Variants in PTPRN2 observed in about 807,000 individuals in gnomAD.
PTPRN2 encodes the protein receptor-type tyrosine-protein phosphatase N2.
Under a neutral mutation model 118.8 loss-of-function variants are expected in PTPRN2, and 74 were observed. That is an observed-to-expected ratio of 0.62 (90% CI 0.52 to 0.76). PTPRN2 has a LOEUF of 0.76. PTPRN2 is among the 30% of genes least tolerant of loss of function. PTPRN2 has a pLI of 0.00. For synonymous variants in PTPRN2, 641 were observed against 608.0 expected, an observed-to-expected ratio of 1.05 and a Z score of -0.80; for missense variants, 1,481 against 1,394.4, an observed-to-expected ratio of 1.06 and a Z score of -0.99.
chr7:158,381,672 C>A (rs1810973533), intron 2 of PTPRN2, among the ~76,000 whole-genome samples: 1 of 152,174 alleles, frequency 6.6e-6, no homozygotes. Flanking sequence ...TACAGCAGTG[C>A]CCCACTCTAC....
intron 11 of PTPRN2, among the ~76,000 whole-genome samples, chr7:158,062,181 C>A (rs1810398934): frequency 6.6e-6 from 1 of 152,274 alleles, no homozygotes; most frequent in African/African-American, 2.4e-5. Context: ...CAGCTCACAG[C>A]AGAGGAGCGT....
At chr7:157,708,869 C>T (rs1798459530) in intron 12 of PTPRN2, among the ~76,000 whole-genome samples, 1 of 152,188 alleles carries the variant, frequency 6.6e-6, no homozygotes, top group Non-Finnish European at 1.5e-5. Context: ...AATAACAAGC[C>T]ACGTATGGCT....
intron 12 of PTPRN2, among the ~76,000 whole-genome samples, chr7:157,698,020 C>T (rs563878339): frequency 2.0e-5 from 3 of 152,154 alleles, no homozygotes; most frequent in Non-Finnish European, 4.4e-5. Context: ...AGAGCCCTCA[C>T]CATCTACCCA....
chr7:158,312,936 ATGAG>A (rs1482489325), intron 3 of PTPRN2, among the ~76,000 whole-genome samples: 1 of 149,482 alleles, frequency 6.7e-6, no homozygotes, highest in Admixed American at 6.6e-5. Flanking sequence ...CAGCATGTCA[ATGAG>A]TGTGCAGGGG....
chr7:158,149,280 C>G lies in PTPRN2; in HGVS notation c.911-10765G>C, dbSNP rs114617262. Among the ~76,000 whole-genome samples, 291 of 152,276 alleles carry G rather than the reference C, an allele frequency of 1.9e-3. 3 individuals are homozygous for G. Among genetic ancestry groups the G allele is most frequent in the African/African-American group, 6.8e-3 (282 of 41,542 alleles). ...ACCCAATTTCCAACCAAAAGACCTC[C>G]AAACTTTTATAAAGCAATGTCATCA... is the stretch of plus-strand genomic sequence containing the variant. On this transcript the variant is annotated intron_variant, in intron 6 of 22. Transcript: ENST00000389418.
intron 1 of PTPRN2, among the ~76,000 whole-genome samples, chr7:158,575,601 A>G (rs1232557316): frequency 6.6e-6 from 1 of 152,160 alleles, no homozygotes; most frequent in Non-Finnish European, 1.5e-5. Flanking sequence ...CTTGGCCTCA[A>G]TCAGTCCTCC....
At chr7:158,458,753 T>C (rs1221524434) in intron 2 of PTPRN2, among the ~76,000 whole-genome samples, 1 of 152,184 alleles carries the variant, frequency 6.6e-6, no homozygotes, top group Non-Finnish European at 1.5e-5. Context: ...AACACCAGGC[T>C]GGGCGGGCTC....
chr7:158,083,081 A>G (rs116984563), intron 10 of PTPRN2, among the ~76,000 whole-genome samples: 1,615 of 152,226 alleles, frequency 0.011, 24 homozygotes, highest in East Asian at 0.056. Flanking sequence ...GCACTGTGAG[A>G]GTGGCTGATT....
intron 3 of PTPRN2, among the ~76,000 whole-genome samples, chr7:158,263,726 C>G (rs1011733540): frequency 2.6e-5 from 4 of 152,244 alleles, no homozygotes; most frequent in Non-Finnish European, 1.5e-5. Flanking sequence ...CTCAACGGCC[C>G]TTTTCCCACC....
intron 17 of PTPRN2, among the ~76,000 whole-genome samples, chr7:157,581,192 C>T (rs1032639698): frequency 2.0e-5 from 3 of 152,260 alleles, no homozygotes; most frequent in Non-Finnish European, 4.4e-5. Context: ...CTTGCACCAC[C>T]ATCCCTGGAT....
chr7:158,168,887 A>C (rs1171855264), intron 5 of PTPRN2, among the ~76,000 whole-genome samples: 1 of 152,234 alleles, frequency 6.6e-6, no homozygotes, highest in Non-Finnish European at 1.5e-5. Context: ...GGGCTTCATC[A>C]AAATGTCATG....
At chr7:158,499,014 T>C (rs528326593) in intron 1 of PTPRN2, among the ~76,000 whole-genome samples, 12 of 152,352 alleles carry the variant, frequency 7.9e-5, no homozygotes, top group Non-Finnish European at 1.0e-4. Flanking sequence ...ACAAGCTTTT[T>C]AGCAGTACTG....
At chr7:158,432,576 A>G (rs1437596786) in intron 2 of PTPRN2, among the ~76,000 whole-genome samples, 1 of 152,230 alleles carries the variant, frequency 6.6e-6, no homozygotes, top group African/African-American at 2.4e-5. Context: ...TATGTTTTCA[A>G]GCTCCTGGAA....
At chr7:157,579,763 G>C (rs1800253768) in intron 17 of PTPRN2, among the ~76,000 whole-genome samples, 1 of 152,172 alleles carries the variant, frequency 6.6e-6, no homozygotes, top group Non-Finnish European at 1.5e-5. Flanking sequence ...GGCGCTCTGG[G>C]GAATAATATT....
intron 11 of PTPRN2, among the ~76,000 whole-genome samples, chr7:158,031,567 AG>A (rs1389545247): frequency 3.3e-5 from 5 of 152,220 alleles, no homozygotes; most frequent in African/African-American, 1.2e-4. Context: ...TATAATCATT[AG>A]GCATATTCAG....
chr7:158,444,662 C>T (rs932384547), intron 2 of PTPRN2, among the ~76,000 whole-genome samples: 3 of 152,212 alleles, frequency 2.0e-5, no homozygotes, highest in Admixed American at 6.5e-5. Context: ...GCCAGAACGT[C>T]TCAGGAAAAC....
intron 4 of PTPRN2, among the ~76,000 whole-genome samples, chr7:158,196,422 T>C (rs1341862045): frequency 6.6e-6 from 1 of 152,272 alleles, no homozygotes; most frequent in East Asian, 1.9e-4. Context: ...CCCTCCACCA[T>C]GGGGGTCTGC....
chr7:158,241,819 G>A (rs771849804), intron 3 of PTPRN2, among the ~76,000 whole-genome samples: 267 of 152,274 alleles, frequency 1.8e-3, no homozygotes, highest in Middle Eastern at 3.4e-3. Flanking sequence ...AACATCTTGG[G>A]ACCTTTTTTA....
chr7:158,141,189 C>T (rs1170579815), intron 6 of PTPRN2, among the ~76,000 whole-genome samples: 1 of 152,208 alleles, frequency 6.6e-6, no homozygotes, highest in Admixed American at 6.5e-5. Flanking sequence ...CAATCCTCTA[C>T]AATAGAAGCG....
Sources: allele counts gnomAD v4.1 joint callset (sites outside exome capture counted in the v4.1 genomes callset), GRCh38; gene constraint gnomAD v4.1.1; transcripts MANE v1.5; gene names NCBI Gene and HGNC (gene_info 2026-07-23, HGNC 2026-07-21).